SLC1A1: variants seen among roughly 807,000 people sequenced by gnomAD.
SLC1A1 encodes solute carrier family 1 member 1, also known as excitatory amino acid transporter 3.
In SLC1A1, 43 loss-of-function variants were observed where a neutral mutation model predicts 53.3. The observed-to-expected ratio is 0.81, with a 90% CI of 0.63 to 1.04. The LOEUF is 1.04. SLC1A1 is among the 50% of genes least tolerant of loss of function. The probability of loss-of-function intolerance (pLI) is 0.00; values close to 1 mark genes in which losing one functional copy is unlikely to be tolerated. For synonymous variants in SLC1A1, 307 were observed against 243.2 expected (o/e 1.26, Z -2.44); for missense variants, 748 against 664.9 (o/e 1.12, Z -1.37).
chr9:4,572,395 A>C lies in SLC1A1; in HGVS notation c.767+7A>C, dbSNP rs1293813233. ...TCGTTCAGATCATCATGTGGTGAGC[A>C]GACACTGTTTAATGTCATTTTGCTT... On this transcript the variant is annotated splice_region_variant and intron_variant, in intron 7 of 11. Transcript: ENST00000262352. 1.2e-6 allele frequency: 2 copies of C among 1,611,858 alleles called. No homozygotes were observed. Among genetic ancestry groups the C allele is most frequent in the Non-Finnish European group, 1.7e-6 (2 of 1,178,038 alleles).
intron 1 of SLC1A1, among the ~76,000 whole-genome samples, chr9:4,528,170 G>C (rs997702251): frequency 6.6e-6 from 1 of 152,150 alleles, no homozygotes; most frequent in Admixed American, 6.5e-5. Flanking sequence ...CCAAGGGAAA[G>C]ACATCTGCAG....
intron 1 of SLC1A1, among the ~76,000 whole-genome samples, chr9:4,521,145 G>C (rs1015379166): frequency 6.6e-6 from 1 of 152,116 alleles, no homozygotes; most frequent in Non-Finnish European, 1.5e-5. Flanking sequence ...TGAGTTGTAA[G>C]AATTCTTTAT....
At chr9:4,521,259 T>C (rs1221021316) in intron 1 of SLC1A1, among the ~76,000 whole-genome samples, 3 of 152,238 alleles carry the variant, frequency 2.0e-5, no homozygotes, top group Non-Finnish European at 4.4e-5. Context: ...TTCTGCCATA[T>C]TGTGAAGCTT....
chr9:4,527,191 TG>T (rs1816293649), intron 1 of SLC1A1, among the ~76,000 whole-genome samples: 1 of 152,052 alleles, frequency 6.6e-6, no homozygotes, highest in South Asian at 2.1e-4. Context: ...AAGTGAATCC[TG>T]AGAACAGCAT....
intron 8 of SLC1A1, among the ~76,000 whole-genome samples, chr9:4,574,325 C>G (rs548891250): frequency 1.3e-5 from 2 of 152,332 alleles, no homozygotes; most frequent in East Asian, 3.9e-4. Flanking sequence ...TGGCTCTCTC[C>G]TGGCCTTCAT....
At chr9:4,557,145 A>G (rs1818473070) in intron 2 of SLC1A1, among the ~76,000 whole-genome samples, 1 of 152,214 alleles carries the variant, frequency 6.6e-6, no homozygotes, top group South Asian at 2.1e-4. Context: ...TTACTTGCAA[A>G]AATGCAGCTC....
intron 6 of SLC1A1, among the ~76,000 whole-genome samples, chr9:4,570,417 G>A (rs1331924371): frequency 6.6e-6 from 1 of 151,886 alleles, no homozygotes; most frequent in Non-Finnish European, 1.5e-5. Flanking sequence ...TATCGCCCAG[G>A]CTGGAGTGCA....
At position 4,539,076 on chromosome 9, in the gene SLC1A1, A is replaced by G. The variant is rs180997021; in HGVS notation, c.92-5491A>G. On this transcript the variant is annotated intron_variant, in intron 1 of 11. Coordinates refer to ENST00000262352, the MANE Select transcript of SLC1A1 (RefSeq NM_004170.6). Reference sequence around the variant, plus strand: ...TTTAATCAAGCCAAAATTAATTTACATAGAGAACTACTCTATGGCTTTCAT... The same window carrying G: ...TTTAATCAAGCCAAAATTAATTTACGTAGAGAACTACTCTATGGCTTTCAT... Among the ~76,000 whole-genome samples, 988 of 147,124 alleles carry G rather than the reference A, an allele frequency of 6.7e-3. 5 individuals are homozygous for G. The highest frequency in any genetic ancestry group is 0.021 in the Middle Eastern group (6 of 288).
chr9:4,519,339 T>C (rs1815981864), intron 1 of SLC1A1, among the ~76,000 whole-genome samples: 1 of 152,316 alleles, frequency 6.6e-6, no homozygotes, highest in Middle Eastern at 3.4e-3. Flanking sequence ...TCTCTTTGGG[T>C]TCACCCAACA....
At chr9:4,540,734 C>A (rs1000812877) in intron 1 of SLC1A1, among the ~76,000 whole-genome samples, 2 of 152,166 alleles carry the variant, frequency 1.3e-5, no homozygotes, top group African/African-American at 4.8e-5. Context: ...ATCCAGCACC[C>A]GTGCACTGCA....
intron 1 of SLC1A1, among the ~76,000 whole-genome samples, chr9:4,519,155 T>C (rs1045396862): frequency 2.0e-5 from 3 of 152,240 alleles, no homozygotes; most frequent in African/African-American, 7.2e-5. Flanking sequence ...AAAGAGAAGT[T>C]TCTGTTCAAT....
At chr9:4,499,990 G>A (rs570216909) in intron 1 of SLC1A1, among the ~76,000 whole-genome samples, 1 of 152,336 alleles carries the variant, frequency 6.6e-6, no homozygotes, top group South Asian at 2.1e-4. Context: ...ATGTATGCAT[G>A]TGAGAGCACT....
In SLC1A1 at chr9:4,490,514, G is replaced by A. The variant is rs1820191098; in HGVS notation, c.-166G>A. 7.2e-6 allele frequency: 3 copies of A among 418,936 alleles called. No individual in the cohort carries two copies. Among genetic ancestry groups the A allele is most frequent in the East Asian group, 4.1e-5 (1 of 24,254 alleles). The allele number at this position is 418,936 out of a possible 1,614,324, so 26.0% of individuals were successfully genotyped here. Reference sequence around the variant, plus strand: ...GGCGGCGGGCGCGGTGCGCGATCCCGGGTGGCGGCGGCAACGGCGGTGGTG... The same window carrying A: ...GGCGGCGGGCGCGGTGCGCGATCCCAGGTGGCGGCGGCAACGGCGGTGGTG... On this transcript the variant is annotated 5_prime_UTR_variant, in exon 1 of 12. Coordinates refer to ENST00000262352, the MANE Select transcript of SLC1A1 (RefSeq NM_004170.6).
intron 2 of SLC1A1, among the ~76,000 whole-genome samples, chr9:4,548,709 T>C (rs528331137): frequency 9.8e-5 from 15 of 152,286 alleles, no homozygotes; most frequent in African/African-American, 3.1e-4. Flanking sequence ...TGATGGCATA[T>C]AGTTGTATAA....
intron 1 of SLC1A1, among the ~76,000 whole-genome samples, chr9:4,493,093 T>C (rs1820294333): frequency 6.6e-6 from 1 of 152,234 alleles, no homozygotes; most frequent in Non-Finnish European, 1.5e-5. Flanking sequence ...CCAATTTTAA[T>C]GTCTGTGAGC....
At chr9:4,568,171 G>C (rs146180223) in intron 6 of SLC1A1, among the ~76,000 whole-genome samples, 19 of 152,206 alleles carry the variant, frequency 1.2e-4, no homozygotes, top group African/African-American at 4.1e-4. Flanking sequence ...TGTAATCCCA[G>C]CATGCTGGGA....
chr9:4,510,507 T>A (rs1003000167), intron 1 of SLC1A1, among the ~76,000 whole-genome samples: 4 of 152,298 alleles, frequency 2.6e-5, no homozygotes, highest in Non-Finnish European at 5.9e-5. Flanking sequence ...TCAGATACCA[T>A]AAGAGTCTAG....
At chr9:4,513,705 G>T (rs952855791) in intron 1 of SLC1A1, among the ~76,000 whole-genome samples, 2 of 152,186 alleles carry the variant, frequency 1.3e-5, no homozygotes, top group African/African-American at 4.8e-5. Context: ...CCTGTGTATA[G>T]GTCCTAGAGA....
At chr9:4,545,980 G>A (rs965551953) in intron 2 of SLC1A1, among the ~76,000 whole-genome samples, 1 of 152,114 alleles carries the variant, frequency 6.6e-6, no homozygotes, top group Non-Finnish European at 1.5e-5. Context: ...GTCGTGACAT[G>A]TCCCCTTCTA....
Sources: allele counts gnomAD v4.1 joint callset (sites outside exome capture counted in the v4.1 genomes callset), GRCh38; gene constraint gnomAD v4.1.1; transcripts MANE v1.5; gene names NCBI Gene and HGNC (gene_info 2026-07-23, HGNC 2026-07-21).